ARHGAP33: variants seen among roughly 807,000 people sequenced by gnomAD.
The protein encoded by ARHGAP33 is rho GTPase-activating protein 33.
Under a neutral mutation model 126.2 loss-of-function variants are expected in ARHGAP33, and 57 were observed. The ratio of observed to expected loss-of-function variants is 0.45; its 90% CI spans 0.36 to 0.56. The LOEUF is 0.56. Ranked by LOEUF, ARHGAP33 falls within the 20% of genes least tolerant of loss-of-function variation. The pLI, the probability that ARHGAP33 is intolerant of heterozygous loss-of-function variation, is 0.00. For synonymous variants in ARHGAP33, 711 were observed against 755.0 expected (o/e 0.94, Z 0.95); for missense variants, 1,500 against 1,748.3 (o/e 0.86, Z 2.53).
chr19:35,784,548 C>T, intron 16 of ARHGAP33: 2 of 1,318,484 alleles, frequency 1.5e-6, no homozygotes, highest in Non-Finnish European at 1.9e-6. Flanking sequence ...TTCCTTCACC[C>T]CTTGTAGCTC....
intron 6 of ARHGAP33, 124 bp downstream of exon 6, chr19:35,779,248 A>G: frequency 1.4e-6 from 1 of 714,792 alleles, no homozygotes; most frequent in Non-Finnish European, 2.3e-6. Flanking sequence ...AGGCGTTGAT[A>G]TTTTAGTGTC....
chr19:35,785,160 C>T (rs1416871024), intron 17 of ARHGAP33, 29 bp from the exon 18 acceptor site: 8 of 1,577,524 alleles, frequency 5.1e-6, no homozygotes, highest in East Asian at 2.3e-5. Context: ...GTTCCTCAGA[C>T]GGCCTCCTGT....
At chr19:35,779,706 G>A (rs1247227002) in intron 6 of ARHGAP33, 1 of 340,390 alleles carries the variant, frequency 2.9e-6, no homozygotes, top group Non-Finnish European at 5.9e-6. Flanking sequence ...TGGGATTATA[G>A]GCATGAGCCA....
rs551130299 is a variant in ARHGAP33 at position 35,778,836 on chromosome 19, A to C, written c.409-196A>C. On this transcript the variant is annotated intron_variant, in intron 5 of 20. Coordinates refer to ENST00000007510, the MANE Select transcript of ARHGAP33 (RefSeq NM_001366178.1). ...GTCCCATGGGAGGGTCACCATGGTC[A>C]TGCCAACCAGGGTACTCAAGAGCTT... The C allele has an allele frequency of 7.6e-5, 61 of 800,516 alleles. No individual in the cohort carries two copies. The South Asian group carries it at 1.0e-3, about 14-fold the overall frequency. 49.6% of individuals were successfully genotyped at this position (800,516 alleles called of 1,614,324 possible).
In ARHGAP33 at chr19:35,786,928, G is replaced by T; in HGVS notation, c.2458G>T (p.Ala820Ser). Residue 820 changes from alanine to serine, a missense_variant, in exon 20 of 21, where the codon GCC becomes TCC. By Grantham distance (99) the Ala-to-Ser change is moderately conservative. Coordinates refer to ENST00000007510, the MANE Select transcript of ARHGAP33 (RefSeq NM_001366178.1). This position sits in a 1 kb window ranked among gnomAD's most constrained non-coding sequence, Gnocchi z 7.0. ...GGGGGCTGGGGGAGCACCTGCCTCA[G>T]CCACCCCAACACCAGCTCTCAGCCC... ...LLGAGGAPAS[A>S]TPTPALSPGR... The T allele has an allele frequency of 1.9e-6, 3 of 1,610,672 alleles. No homozygotes were observed. Among genetic ancestry groups the T allele is most frequent in the Non-Finnish European group, 2.5e-6 (3 of 1,179,580 alleles).
intron 6 of ARHGAP33, 73 bp from the exon 7 acceptor site, chr19:35,780,138 G>T (rs1346296161): frequency 3.2e-6 from 5 of 1,581,164 alleles, no homozygotes; most frequent in African/African-American, 2.7e-5. Context: ...CTCACCCAGC[G>T]CGGAGGAGCT....
Position 35,786,005 on chromosome 19 carries a change from C to T in ARHGAP33, c.1943-408C>T. ...TGGCTTTTTCTCCATCGCTACCTCA[C>T]AGCCCGCCGCGCTGCTGGGTGCTGC... On this transcript the variant is annotated intron_variant, in intron 19 of 20. Transcript: ENST00000007510. The surrounding 1 kb of genome is among the most constrained non-coding windows in gnomAD (Gnocchi z 7.0). The T allele has an allele frequency of 9.0e-7, 1 of 1,108,430 alleles. No individual in the cohort carries two copies. The highest frequency in any genetic ancestry group is 1.1e-6 in the Non-Finnish European group (1 of 907,466). The allele number at this position is 1,108,430 out of a possible 1,614,324, so 68.7% of individuals were successfully genotyped here. A position where few individuals can be genotyped will look rare whatever the true frequency, so the allele number is the denominator to read the frequency against.
rs769758647 is a variant in ARHGAP33, at chr19:35,787,505, G to A, written c.2940G>A (p.Leu980=). ...LPRQQSDGSL[L]RSQRPMGTSR... is the part of the protein sequence containing the mutation. ...GGCAACAAAGTGATGGGAGCCTGCTGAGGAGCCAGCGGCCCATGGGGACCT... is the reference window on the plus strand; with the variant it reads ...GGCAACAAAGTGATGGGAGCCTGCTAAGGAGCCAGCGGCCCATGGGGACCT... The change falls in exon 21 of 21, where the codon CTG becomes CTA. Residue 980 remains leucine, a synonymous_variant. Transcript: ENST00000007510. 9.3e-6 allele frequency: 15 copies of A among 1,612,294 alleles called. No individual in the cohort carries two copies. The highest frequency in any genetic ancestry group is 1.0e-5 in the Non-Finnish European group (12 of 1,179,612).
intron 4 of ARHGAP33, 25 bp from the exon 5 acceptor site, chr19:35,778,439 C>G: frequency 6.2e-7 from 1 of 1,614,150 alleles, no homozygotes. Context: ...GGCCCCTGCT[C>G]CCTTCTGTCC....
chr19:35,778,670 G>C, intron 5 of ARHGAP33, 69 bp downstream of exon 5: 3 of 1,543,754 alleles, frequency 1.9e-6, no homozygotes, highest in Non-Finnish European at 2.6e-6. Context: ...AATCATCAAG[G>C]CAGCGGGATA....
At position 35,787,694 on chromosome 19, in the gene ARHGAP33, C is replaced by T; in HGVS notation, c.3129C>T (p.Pro1043=). 6.3e-7 allele frequency: 1 copy of T among 1,594,154 alleles called. No individual in the cohort carries two copies. Among genetic ancestry groups the T allele is most frequent in the Non-Finnish European group, 8.5e-7 (1 of 1,174,512 alleles). ...CAGCCCCCAGGGAGTGCCTGCCACC[C>T]TTCCTCGGGGTCCCCAAGCCAGGCT... ...FSPAPRECLP[P]FLGVPKPGLY... Residue 1043 remains proline (P), a synonymous_variant, in exon 21 of 21, where the codon CCC becomes CCT. Coordinates refer to ENST00000007510, the MANE Select transcript of ARHGAP33 (RefSeq NM_001366178.1).
rs776150387 is a variant in ARHGAP33, at chr19:35,788,153, T to C, written c.3588T>C (p.Arg1196=). The C allele has an allele frequency of 1.3e-6, 2 of 1,510,278 alleles. No homozygotes were observed. Among genetic ancestry groups the C allele is most frequent in the Non-Finnish European group, 1.8e-6 (2 of 1,112,774 alleles). 93.6% of individuals were successfully genotyped at this position (1,510,278 alleles called of 1,614,324 possible). A position where few individuals can be genotyped will look rare whatever the true frequency, so the allele number is the denominator to read the frequency against. ...SSSPPAHPRS[R]SDPGPPVPRL... ...CCCCTCCTGCCCACCCCCGAAGCCG[T>C]TCAGATCCCGGTCCCCCAGTCCCCC... The change falls in exon 21 of 21, where the codon CGT becomes CGC. Residue 1196 remains arginine, a synonymous_variant. Transcript: ENST00000007510.
At chr19:35,779,225 G>A in intron 6 of ARHGAP33, 101 bp downstream of exon 6, 3 of 906,392 alleles carry the variant, frequency 3.3e-6, no homozygotes, top group Admixed American at 2.7e-5. Context: ...AAAGAAAGGA[G>A]CCAGAGTGGA....
Position 35,787,956 on chromosome 19 carries a change from TC to T in ARHGAP33, c.3396del (p.Asp1133ThrfsTer40). On this transcript the variant is annotated frameshift_variant, in exon 21 of 21. Coordinates refer to ENST00000007510, the MANE Select transcript of ARHGAP33 (RefSeq NM_001366178.1). LOFTEE classifies it high-confidence loss of function. ...MLGQSPPLHRSPDFLLSYPPA... is the reference protein window; with the variant it reads ...MLGQSPPLHRXPDFLLSYPPA... Reference sequence around the variant, plus strand: ...TGGCCAATCACCCCCACTCCACAGGTCCCCCGACTTCCTGCTCAGCTACCCG... The same window carrying T: ...TGGCCAATCACCCCCACTCCACAGGTCCCCGACTTCCTGCTCAGCTACCCG... 1 of 629,204 alleles carries T rather than the reference TC, an allele frequency of 1.6e-6. No homozygotes were observed. Among genetic ancestry groups the T allele is most frequent in the Non-Finnish European group, 2.3e-6 (1 of 431,682 alleles). 39.0% of individuals were successfully genotyped at this position (629,204 alleles called of 1,614,324 possible).
At chr19:35,783,339 G>A (rs1971903728) in intron 15 of ARHGAP33, among the ~76,000 whole-genome samples, 1 of 152,124 alleles carries the variant, frequency 6.6e-6, no homozygotes, top group South Asian at 2.1e-4. Context: ...TAAAACAGGT[G>A]GTATGTCAGA....
Position 35,782,936 on chromosome 19 carries a change from GCTTTT to G in ARHGAP33, c.1421+73_1421+77del. On this transcript the variant is annotated intron_variant, in intron 15 of 20. Transcript: ENST00000007510. The surrounding 1 kb of genome is among the most constrained non-coding windows in gnomAD (Gnocchi z 4.1). ...CAAAACCACCCCAGGAACCCGCCCA[GCTTTT>G]CTTTTGTTTATTCATCGAATACGTG... is the stretch of plus-strand genomic sequence containing the variant. 7.2e-7 allele frequency: 1 copy of G among 1,391,074 alleles called. No individual in the cohort carries two copies. 86.2% of individuals were successfully genotyped at this position (1,391,074 alleles called of 1,614,324 possible).
chr19:35,778,993 G>A (rs376515357), intron 5 of ARHGAP33, 39 bp from the exon 6 acceptor site: 942 of 1,513,770 alleles, frequency 6.2e-4, no homozygotes, highest in Non-Finnish European at 7.8e-4. Flanking sequence ...GCTCTCTCAC[G>A]TCCACTCACA....
Position 35,786,238 on chromosome 19 carries a change from G to A in ARHGAP33, c.1943-175G>A, listed in dbSNP as rs2146746493. The A allele has an allele frequency of 7.0e-7, 1 of 1,421,706 alleles. No homozygotes were observed. Among genetic ancestry groups the A allele is most frequent in the Non-Finnish European group, 9.2e-7 (1 of 1,092,568 alleles). 88.1% of individuals were successfully genotyped at this position (1,421,706 alleles called of 1,614,324 possible). ...TGTGGGGCAGCCACAGGGCCTTCGT[G>A]CTTTGGGCCGGAAGTGTCCTCTTCA... On this transcript the variant is annotated intron_variant, in intron 19 of 20. Transcript: ENST00000007510. The surrounding 1 kb of genome is among the most constrained non-coding windows in gnomAD (Gnocchi z 7.0).
rs955369156 is a variant in ARHGAP33 at position 35,784,308 on chromosome 19, G to A, written c.1558G>A (p.Asp520Asn). The A allele has an allele frequency of 3.5e-5, 56 of 1,577,974 alleles. No homozygotes were observed. Among genetic ancestry groups the A allele is most frequent in the Non-Finnish European group, 4.4e-5 (51 of 1,160,440 alleles). Residue 520 changes from aspartate (D) to asparagine (N), a missense_variant, in exon 16 of 21, where the codon GAC (aspartate) becomes AAC (asparagine). This residue lies in a region of ARHGAP33 where 300 missense variants were observed against 291.1 expected (regional missense o/e 1.03). Transcript: ENST00000007510. ...CGACACCTTCACCTCCGCCGGCCTC[G>A]ACCCTGCAGGTATGCCCTCCCACCC... ...FSDTFTSAGL[D>N]PAGRCLLPRP...
Sources: gnomAD v4.1 joint callset for allele counts (sites outside exome capture counted in the v4.1 genomes callset) on GRCh38, gnomAD v4.1.1 for gene constraint, gnomAD v4.1.1 regional missense constraint, Gnocchi (gnomAD v3.1) non-coding constraint, MANE v1.5 for transcripts, NCBI Gene and HGNC (gene_info 2026-07-23, HGNC 2026-07-21) for gene names.